The following RALGAPA2 variants were observed in gnomAD, a reference collection of about 807,000 sequenced individuals.
RALGAPA2 encodes Ral GTPase activating protein catalytic subunit alpha 2.
In RALGAPA2, 139 loss-of-function variants were observed where a neutral mutation model predicts 230.4. That is an observed-to-expected ratio of 0.60 (90% CI 0.53 to 0.69). The LOEUF is 0.69. RALGAPA2 is among the 30% of genes least tolerant of loss of function. The pLI is 0.00. For missense variants in RALGAPA2, 2,163 were observed against 2,276.0 expected, an observed-to-expected ratio of 0.95 and a Z score of 1.01; for synonymous variants, 847 against 837.8, an observed-to-expected ratio of 1.01 and a Z score of -0.19.
At chr20:20,433,973 T>G (rs956260526) in intron 37 of RALGAPA2, among the ~76,000 whole-genome samples, 2 of 152,218 alleles carry the variant, frequency 1.3e-5, no homozygotes, top group Non-Finnish European at 2.9e-5. Flanking sequence ...TTTGGCCATG[T>G]TCTTTGTACT....
chr20:20,632,744 C>T (rs1167059611), intron 9 of RALGAPA2, among the ~76,000 whole-genome samples: 1 of 152,118 alleles, frequency 6.6e-6, no homozygotes, highest in African/African-American at 2.4e-5. Context: ...CTCTGACTGC[C>T]GGTGAAATCA....
intron 39 of RALGAPA2, among the ~76,000 whole-genome samples, chr20:20,396,128 G>A (rs1569356766): frequency 6.6e-6 from 1 of 152,214 alleles, no homozygotes. Flanking sequence ...ACCTGCCATG[G>A]CCAGCCTATC....
At chr20:20,505,585 A>C (rs1336623083) in intron 33 of RALGAPA2, 51 bp from the exon 34 acceptor site, 3 of 1,431,370 alleles carry the variant, frequency 2.1e-6, no homozygotes, top group Non-Finnish European at 2.8e-6. Context: ...GTAAAATTTT[A>C]CTTCACTACT....
At chr20:20,665,084 T>C (rs1428601693) in intron 3 of RALGAPA2, among the ~76,000 whole-genome samples, 2 of 152,020 alleles carry the variant, frequency 1.3e-5, no homozygotes, top group Admixed American at 6.6e-5. Context: ...CCTAAAGGTA[T>C]ATATTAATTT....
At chr20:20,541,051 A>G (rs1568556128) in intron 24 of RALGAPA2, among the ~76,000 whole-genome samples, 1 of 107,186 alleles carries the variant, frequency 9.3e-6, no homozygotes, top group Non-Finnish European at 1.8e-5. Flanking sequence ...AATAAAAGTC[A>G]GGAGAATTTT....
intron 37 of RALGAPA2, among the ~76,000 whole-genome samples, chr20:20,442,422 C>T (rs538766538): frequency 1.3e-5 from 2 of 152,338 alleles, no homozygotes; most frequent in South Asian, 4.1e-4. Context: ...TACTCTGAGT[C>T]CCTTAATGTA....
chr20:20,672,291 A>G (rs1167641142), intron 3 of RALGAPA2, among the ~76,000 whole-genome samples: 1 of 152,218 alleles, frequency 6.6e-6, no homozygotes, highest in Non-Finnish European at 1.5e-5. Context: ...ATATCACAAA[A>G]TATGCAAAAA....
chr20:20,662,969 C>T (rs919022126), intron 3 of RALGAPA2, among the ~76,000 whole-genome samples: 4 of 152,252 alleles, frequency 2.6e-5, no homozygotes, highest in Middle Eastern at 3.4e-3. Flanking sequence ...TAAGAGGCTG[C>T]CAGTGAGGGC....
At chr20:20,417,038 T>C (rs1464825282) in intron 37 of RALGAPA2, among the ~76,000 whole-genome samples, 2 of 152,232 alleles carry the variant, frequency 1.3e-5, no homozygotes, top group Non-Finnish European at 2.9e-5. Flanking sequence ...CTCATGACTC[T>C]AACTCCCATG....
At chr20:20,711,144 G>A (rs143209927) in intron 1 of RALGAPA2, among the ~76,000 whole-genome samples, 5 of 152,330 alleles carry the variant, frequency 3.3e-5, no homozygotes, top group Admixed American at 1.3e-4. Context: ...ATGTGAGATT[G>A]TGAATAACTT....
At chr20:20,518,754 G>A (rs2062950050) in intron 31 of RALGAPA2, among the ~76,000 whole-genome samples, 1 of 151,984 alleles carries the variant, frequency 6.6e-6, no homozygotes, top group African/African-American at 2.4e-5. Flanking sequence ...ATTTTTAAGT[G>A]ACAACTCATA....
intron 39 of RALGAPA2, among the ~76,000 whole-genome samples, chr20:20,395,013 C>G (rs144914692): frequency 2.0e-3 from 299 of 152,218 alleles, no homozygotes; most frequent in African/African-American, 6.9e-3. Flanking sequence ...GCCCCACCCA[C>G]TCACCCAGGG....
intron 2 of RALGAPA2, among the ~76,000 whole-genome samples, chr20:20,677,518 G>C (rs1443580056): frequency 1.3e-5 from 2 of 151,444 alleles, no homozygotes; most frequent in African/African-American, 4.9e-5. Flanking sequence ...TGAGGTTGGA[G>C]AGTAGGTGAG....
chr20:20,452,724 G>T (rs183695070), intron 37 of RALGAPA2, among the ~76,000 whole-genome samples: 1 of 152,246 alleles, frequency 6.6e-6, no homozygotes, highest in Admixed American at 6.5e-5. Context: ...GAATCTGCTC[G>T]TTCATGCCTT....
At chr20:20,528,405 T>C (rs1174405263) in intron 27 of RALGAPA2, among the ~76,000 whole-genome samples, 2 of 151,674 alleles carry the variant, frequency 1.3e-5, no homozygotes, top group Non-Finnish European at 2.9e-5. Context: ...GGAGGCTGAG[T>C]ATTGGCAGGG....
Position 20,536,761 on chromosome 20 carries a change from A to C in RALGAPA2, c.3309T>G (p.Thr1103=), listed in dbSNP as rs1477442965. 1 of 1,612,708 alleles carries C rather than the reference A, an allele frequency of 6.2e-7. No individual in the cohort carries two copies. The highest frequency in any genetic ancestry group is 8.5e-7 in the Non-Finnish European group (1 of 1,178,934). Residue 1103 remains threonine, a synonymous_variant, in exon 25 of 40, where the codon ACT becomes ACG. Coordinates refer to ENST00000202677, the MANE Select transcript of RALGAPA2 (RefSeq NM_020343.4). ...GAAAGCAGACCAGAGAGCCGAGGAC[A>C]GTGACAGCCTCTGAACGAGGCGCCT... The part of the protein sequence containing the change: ...ILTAPRSEAV[T]VLGSLVCFPN...
At chr20:20,444,208 T>C (rs1412921616) in intron 37 of RALGAPA2, among the ~76,000 whole-genome samples, 5 of 152,156 alleles carry the variant, frequency 3.3e-5, no homozygotes, top group Non-Finnish European at 7.3e-5. Flanking sequence ...CAGAAGGACC[T>C]CCAGGGGCCT....
At chr20:20,487,693 G>C (rs2061947741) in intron 36 of RALGAPA2, among the ~76,000 whole-genome samples, 1 of 152,096 alleles carries the variant, frequency 6.6e-6, no homozygotes, top group Non-Finnish European at 1.5e-5. Flanking sequence ...TGGATCACTT[G>C]AGTTCAGGAG....
chr20:20,463,472 C>T (rs1023085709), intron 37 of RALGAPA2, among the ~76,000 whole-genome samples: 1 of 152,040 alleles, frequency 6.6e-6, no homozygotes, highest in African/African-American at 2.4e-5. Context: ...ATGAAAATGA[C>T]TAGATAATAT....
Sources: gnomAD v4.1 joint callset for allele counts (sites outside exome capture counted in the v4.1 genomes callset) on GRCh38, gnomAD v4.1.1 for gene constraint, MANE v1.5 for transcripts, NCBI Gene and HGNC (gene_info 2026-07-23, HGNC 2026-07-21) for gene names.